Variants in PPP1R12B observed in about 807,000 individuals in gnomAD.
PPP1R12B encodes protein phosphatase 1 regulatory subunit 12B, also known as myosin phosphatase target subunit 2.
In PPP1R12B, 76 loss-of-function variants were observed where a neutral mutation model predicts 126.1. The ratio of observed to expected loss-of-function variants is 0.60; its 90% CI spans 0.50 to 0.73. The LOEUF (loss-of-function observed/expected upper bound fraction) is 0.73, where lower values mean the gene tolerates loss of function less well. Among genes scored for constraint, PPP1R12B ranks in the 30% least tolerant of loss-of-function variants. PPP1R12B has a pLI of 0.00. For missense variants in PPP1R12B, 1,052 were observed against 1,205.1 expected (o/e 0.87, Z 1.88); for synonymous variants, 356 against 434.7 (o/e 0.82, Z 2.25).
At chr1:202,399,803 G>A (rs1158914297) in intron 1 of PPP1R12B, among the ~76,000 whole-genome samples, 1 of 152,052 alleles carries the variant, frequency 6.6e-6, no homozygotes, top group African/African-American at 2.4e-5. Context: ...GCCGATATTT[G>A]TTTTTCCTTG....
intron 13 of PPP1R12B, among the ~76,000 whole-genome samples, chr1:202,487,072 A>G (rs1316894355): frequency 6.6e-6 from 1 of 152,168 alleles, no homozygotes; most frequent in African/African-American, 2.4e-5. Flanking sequence ...AAAAATCTAT[A>G]TAAAAAGATG....
At chr1:202,384,040 C>A (rs1050451317) in intron 1 of PPP1R12B, among the ~76,000 whole-genome samples, 3 of 152,118 alleles carry the variant, frequency 2.0e-5, no homozygotes, top group Non-Finnish European at 2.9e-5. Context: ...AATAAAAAGA[C>A]GGACAATAAC....
intron 1 of PPP1R12B, among the ~76,000 whole-genome samples, chr1:202,399,664 T>C (rs1317504840): frequency 1.3e-5 from 2 of 152,042 alleles, no homozygotes; most frequent in Non-Finnish European, 2.9e-5. Context: ...GCTTGGCTAA[T>C]TTTTTGTGTT....
chr1:202,427,779 G>T (rs917522306), intron 5 of PPP1R12B, among the ~76,000 whole-genome samples: 17 of 152,058 alleles, frequency 1.1e-4, no homozygotes, highest in African/African-American at 4.1e-4. Flanking sequence ...TGAGTAGCTG[G>T]GACTACAGGC....
chr1:202,540,222 C>T (rs1572440932), intron 18 of PPP1R12B: 8 of 1,607,242 alleles, frequency 5.0e-6, no homozygotes, highest in African/African-American at 2.7e-5. Context: ...TCTCCCTCCC[C>T]GACTGCCAAG....
chr1:202,579,235 T>C (rs1045484139), intron 23 of PPP1R12B, among the ~76,000 whole-genome samples: 1 of 152,210 alleles, frequency 6.6e-6, no homozygotes, highest in African/African-American at 2.4e-5. Context: ...AGGAAACAGA[T>C]TATATTCCTT....
In PPP1R12B at chr1:202,349,103, C is replaced by A; in HGVS notation, c.252C>A (p.Ile84=). ...AGCTTCTGGCAAGAGGTGCTGATAT[C>A]AACACGGTCAACGTGGACGGCTTGA... ...VRKLLARGAD[I]NTVNVDGLTA... is the part of the protein sequence containing the mutation. Residue 84 remains isoleucine, a synonymous_variant, in exon 1 of 24, where the codon ATC becomes ATA. Transcript: ENST00000608999. 6.2e-7 allele frequency: 1 copy of A among 1,614,084 alleles called. No individual in the cohort carries two copies. Among genetic ancestry groups the A allele is most frequent in the African/African-American group, 1.3e-5 (1 of 75,066 alleles).
intron 1 of PPP1R12B, among the ~76,000 whole-genome samples, chr1:202,384,115 A>G (rs1405272423): frequency 4.6e-5 from 7 of 152,244 alleles, no homozygotes; most frequent in Admixed American, 3.3e-4. Context: ...GTAAAATGGT[A>G]CAACCACTTT....
At chr1:202,537,812 AGCCAGTCAT>A (rs1406767520) in intron 18 of PPP1R12B, among the ~76,000 whole-genome samples, 6 of 152,330 alleles carry the variant, frequency 3.9e-5, no homozygotes, top group African/African-American at 1.4e-4. Flanking sequence ...ACCTTTCCCT[AGCCAGTCAT>A]GCTACCAAGC....
chr1:202,578,137 A>G (rs1362260220), intron 23 of PPP1R12B, among the ~76,000 whole-genome samples: 1 of 151,902 alleles, frequency 6.6e-6, no homozygotes, highest in Non-Finnish European at 1.5e-5. Context: ...CAATTGTAGC[A>G]TGTTGCAGCT....
intron 18 of PPP1R12B, among the ~76,000 whole-genome samples, chr1:202,513,161 A>G (rs1338275531): frequency 6.6e-6 from 1 of 152,112 alleles, no homozygotes; most frequent in African/African-American, 2.4e-5. Flanking sequence ...TTTGGTAGAG[A>G]TGGTGTTTCA....
intron 1 of PPP1R12B, among the ~76,000 whole-genome samples, chr1:202,414,843 A>C (rs1307780727): frequency 2.0e-5 from 3 of 152,180 alleles, no homozygotes; most frequent in Non-Finnish European, 4.4e-5. Context: ...GCTGGAGAGC[A>C]GTGATCACAG....
chr1:202,571,738 G>A (rs1207927316), intron 23 of PPP1R12B, among the ~76,000 whole-genome samples: 1 of 152,168 alleles, frequency 6.6e-6, no homozygotes, highest in Non-Finnish European at 1.5e-5. Flanking sequence ...TTACAGGTGT[G>A]AGCCATCGCG....
intron 18 of PPP1R12B, among the ~76,000 whole-genome samples, chr1:202,511,160 C>T (rs1360833712): frequency 3.3e-5 from 5 of 149,396 alleles, no homozygotes; most frequent in African/African-American, 4.9e-5. Context: ...TCTTTGATGG[C>T]GATTTCTGAG....
At chr1:202,496,928 A>C in intron 18 of PPP1R12B, 106 bp downstream of exon 18, 1 of 1,146,914 alleles carries the variant, frequency 8.7e-7, no homozygotes, top group Non-Finnish European at 1.3e-6. Context: ...TTAGTTGAGA[A>C]GGAGTTTGGA....
intron 13 of PPP1R12B, among the ~76,000 whole-genome samples, chr1:202,465,279 G>A (rs893248508): frequency 2.0e-5 from 3 of 152,180 alleles, no homozygotes; most frequent in Non-Finnish European, 2.9e-5. Context: ...CCAAGAAAAT[G>A]TGTCCAAGGG....
intron 13 of PPP1R12B, chr1:202,463,136 G>C (rs1288012113): frequency 1.1e-6 from 1 of 910,440 alleles, no homozygotes; most frequent in Admixed American, 6.2e-5. Context: ...TGTCCTAGAT[G>C]CATGTTTCTT....
intron 13 of PPP1R12B, chr1:202,463,106 T>G: frequency 1.0e-6 from 1 of 973,202 alleles, no homozygotes; most frequent in East Asian, 1.1e-4. Flanking sequence ...AGGTAAAATT[T>G]CTTTGTTTGA....
chr1:202,435,763 T>C (rs766297295), intron 9 of PPP1R12B, among the ~76,000 whole-genome samples: 19 of 152,228 alleles, frequency 1.2e-4, no homozygotes, highest in Non-Finnish European at 1.6e-4. Context: ...ACTTCATGAA[T>C]TGGAAAGATG....
Sources: gnomAD v4.1 joint callset for allele counts (sites outside exome capture counted in the v4.1 genomes callset) on GRCh38, gnomAD v4.1.1 for gene constraint, MANE v1.5 for transcripts, NCBI Gene and HGNC (gene_info 2026-07-23, HGNC 2026-07-21) for gene names.